The following GLB1 variants were observed in gnomAD, a reference collection of about 807,000 sequenced individuals.
GLB1 encodes the protein beta-galactosidase.
In GLB1, 56 loss-of-function variants were observed where a neutral mutation model predicts 74.0. The ratio of observed to expected loss-of-function variants is 0.76; its 90% CI spans 0.61 to 0.94. The LOEUF (loss-of-function observed/expected upper bound fraction) is 0.94. GLB1 is among the 40% of genes least tolerant of loss of function. The pLI is 0.00. For missense variants in GLB1, 787 were observed against 845.5 expected, an observed-to-expected ratio of 0.93 and a Z score of 0.86; for synonymous variants, 323 against 323.6, an observed-to-expected ratio of 1.00 and a Z score of 0.02.
At chr3:33,040,551 G>A (rs551531562) in intron 10 of GLB1, among the ~76,000 whole-genome samples, 1 of 152,044 alleles carries the variant, frequency 6.6e-6, no homozygotes, top group East Asian at 1.9e-4. Context: ...GGTTGAGGCT[G>A]CAGTGAGCCA....
intron 10 of GLB1, among the ~76,000 whole-genome samples, chr3:33,042,370 C>CTTTTTTTTTTTTTTTTTTTTTTTTTTTT: frequency 1.0e-5 from 1 of 99,240 alleles, no homozygotes; most frequent in Non-Finnish European, 2.0e-5. Flanking sequence ...TCATCTCCTC[C>CTTTTTTTTTTTTTTTTTTTTTTTTTTTT]TTTTTTTTTT....
At chr3:33,047,859 C>T (rs1057442430) in intron 9 of GLB1, among the ~76,000 whole-genome samples, 22 of 152,136 alleles carry the variant, frequency 1.4e-4, no homozygotes, top group African/African-American at 5.1e-4. Flanking sequence ...CCATTTCCCC[C>T]ATTTCTTATT....
chr3:32,978,066 C>T, the GLB1 span, among the ~76,000 whole-genome samples: 4 of 152,252 alleles, frequency 2.6e-5, no homozygotes, highest in South Asian at 2.1e-4. Flanking sequence ...GCAGAAGGTA[C>T]GTGATGGCCA....
intron 5 of GLB1, among the ~76,000 whole-genome samples, chr3:33,059,244 TACAC>T (rs55785242): frequency 0.25 from 35,357 of 143,596 alleles, 4,577 homozygotes; most frequent in Non-Finnish European, 0.31. Flanking sequence ...ATATAAAACA[TACAC>T]ACACACACAC....
At chr3:32,988,030 C>T in the GLB1 span, among the ~76,000 whole-genome samples, 1 of 151,688 alleles carries the variant, frequency 6.6e-6, no homozygotes, top group South Asian at 2.1e-4. Context: ...CTAAAAAATA[C>T]AACACAATTA....
At chr3:33,025,522 G>C (rs910757288) in intron 10 of GLB1, among the ~76,000 whole-genome samples, 1 of 150,034 alleles carries the variant, frequency 6.7e-6, no homozygotes, top group Non-Finnish European at 1.5e-5. Context: ...TTTTTTTTTT[G>C]GTTTCCCTTT....
At chr3:33,004,254 G>T (rs1350140626) in intron 15 of GLB1, among the ~76,000 whole-genome samples, 2 of 152,184 alleles carry the variant, frequency 1.3e-5, no homozygotes, top group Non-Finnish European at 2.9e-5. Context: ...AAGAGAGATG[G>T]TCTCATCTTC....
intron 6 of GLB1, among the ~76,000 whole-genome samples, chr3:33,056,438 G>A (rs558590089): frequency 1.2e-3 from 183 of 151,040 alleles, no homozygotes; most frequent in African/African-American, 4.3e-3. Flanking sequence ...TTTTGAGACA[G>A]GGTCTTGCTC....
chr3:33,041,048 A>T (rs1162850905), intron 10 of GLB1, among the ~76,000 whole-genome samples: 1 of 152,230 alleles, frequency 6.6e-6, no homozygotes, highest in Non-Finnish European at 1.5e-5. Flanking sequence ...TGAAGGCTAG[A>T]ATCAGAAGGT....
intron 10 of GLB1, among the ~76,000 whole-genome samples, chr3:33,041,780 AAT>A: frequency 6.6e-6 from 1 of 152,288 alleles, no homozygotes; most frequent in South Asian, 2.1e-4. Flanking sequence ...AATTCTAAAG[AAT>A]ATACTTCAGG....
At chr3:33,044,369 T>C (rs930571312) in intron 10 of GLB1, among the ~76,000 whole-genome samples, 1 of 152,012 alleles carries the variant, frequency 6.6e-6, no homozygotes, top group Non-Finnish European at 1.5e-5. Flanking sequence ...AGAAATAGAT[T>C]GCACATCAAA....
In GLB1 at chr3:33,018,533, G is replaced by T. The variant is rs1170296793; in HGVS notation, c.1262C>A (p.Thr421Lys). 1 of 1,614,058 alleles carries T rather than the reference G, an allele frequency of 6.2e-7. No individual in the cohort carries two copies. The highest frequency in any genetic ancestry group is 1.7e-5 in the Admixed American group (1 of 60,000). Reference protein sequence around the residue: ...QHYGFVLYRTTLPQDCSNPAP... With the variant: ...QHYGFVLYRTKLPQDCSNPAP... Reference sequence around the variant, plus strand: ...TGGGTTGCTGCAATCTTGAGGAAGTGTTGTCCGGTACAGCACAAACCCATA... The same window carrying T: ...TGGGTTGCTGCAATCTTGAGGAAGTTTTGTCCGGTACAGCACAAACCCATA... Residue 421 changes from threonine (T) to lysine (K), a missense_variant, in exon 13 of 16, where the codon ACA (threonine) becomes AAA (lysine). By Grantham distance (78) the Thr-to-Lys change is moderately conservative. Transcript: ENST00000307363.
intron 10 of GLB1, among the ~76,000 whole-genome samples, chr3:33,033,692 A>T (rs1415566836): frequency 6.6e-6 from 1 of 151,712 alleles, no homozygotes; most frequent in Non-Finnish European, 1.5e-5. Context: ...GAGGCAGGAG[A>T]ATCGCTTGAA....
intron 15 of GLB1, among the ~76,000 whole-genome samples, chr3:33,001,504 T>C (rs1315623367): frequency 1.3e-5 from 2 of 152,200 alleles, no homozygotes; most frequent in Non-Finnish European, 2.9e-5. Flanking sequence ...TCCTTAATGC[T>C]GGGCTTTCCA....
intron 1 of GLB1, among the ~76,000 whole-genome samples, chr3:33,095,016 GC>G (rs1317278860): frequency 1.3e-5 from 2 of 152,010 alleles, no homozygotes; most frequent in Non-Finnish European, 2.9e-5. Flanking sequence ...TTCAAGACCA[GC>G]CTGGCCAACA....
At chr3:32,980,921 T>C in the GLB1 span, among the ~76,000 whole-genome samples, 1 of 151,556 alleles carries the variant, frequency 6.6e-6, no homozygotes, top group Non-Finnish European at 1.5e-5. Flanking sequence ...TGAAATCCCA[T>C]CTCTACTAAA....
intron 1 of GLB1, among the ~76,000 whole-genome samples, chr3:33,085,486 AT>A (rs113791194): frequency 6.6e-6 from 1 of 151,788 alleles, no homozygotes; most frequent in African/African-American, 2.4e-5. Context: ...TACACTTATG[AT>A]TTTTTTTCTC....
intron 10 of GLB1, among the ~76,000 whole-genome samples, chr3:33,044,009 C>T (rs574641768): frequency 6.6e-6 from 1 of 152,274 alleles, no homozygotes; most frequent in East Asian, 1.9e-4. Flanking sequence ...ATGAGGACAA[C>T]TCTCACTAAA....
intron 1 of GLB1, among the ~76,000 whole-genome samples, chr3:33,081,462 T>C (rs1437410263): frequency 1.3e-5 from 2 of 152,100 alleles, no homozygotes; most frequent in Non-Finnish European, 2.9e-5. Context: ...GAGAAAGGTA[T>C]GGAATGGCTC....
Sources: allele counts gnomAD v4.1 joint callset (sites outside exome capture counted in the v4.1 genomes callset), GRCh38; gene constraint gnomAD v4.1.1; transcripts MANE v1.5; gene names NCBI Gene and HGNC (gene_info 2026-07-23, HGNC 2026-07-21).